PHACTR1: variants seen among roughly 807,000 people sequenced by gnomAD.
PHACTR1 encodes the protein phosphatase and actin regulator 1.
In PHACTR1, 16 loss-of-function variants were observed where a neutral mutation model predicts 69.2. The ratio of observed to expected loss-of-function variants is 0.23; its 90% confidence interval spans 0.16 to 0.35. The LOEUF is 0.35. Among genes scored for constraint, PHACTR1 ranks in the 10% least tolerant of loss-of-function variants. The probability of loss-of-function intolerance (pLI) is 1.00; values close to 1 mark genes in which losing one functional copy is unlikely to be tolerated. For missense variants in PHACTR1, 510 were observed against 734.7 expected, an observed-to-expected ratio of 0.69 and a Z score of 3.54; for synonymous variants, 312 against 284.5, an observed-to-expected ratio of 1.10 and a Z score of -0.97.
intron 4 of PHACTR1, among the ~76,000 whole-genome samples, chr6:13,034,624 T>A (rs917586233): frequency 2.0e-5 from 3 of 152,094 alleles, no homozygotes; most frequent in Admixed American, 1.3e-4. Flanking sequence ...TGGGGCTGGG[T>A]TGTTATCTGA....
chr6:13,069,450 T>C (rs1036111192), intron 5 of PHACTR1, among the ~76,000 whole-genome samples: 8 of 152,090 alleles, frequency 5.3e-5, no homozygotes, highest in Non-Finnish European at 1.0e-4. Context: ...TTCCAGGCCC[T>C]CTAGACCTGC....
At chr6:13,037,827 TGG>T (rs1803541614) in intron 4 of PHACTR1, among the ~76,000 whole-genome samples, 1 of 152,210 alleles carries the variant, frequency 6.6e-6, no homozygotes, top group African/African-American at 2.4e-5. Context: ...TATGGATAAC[TGG>T]TCTACATGAA....
Position 12,980,798 on chromosome 6 carries a change from A to G in PHACTR1, c.251-72567A>G, listed in dbSNP as rs928432014. 2.0e-5 allele frequency among the ~76,000 whole-genome samples: 3 copies of G among 152,250 alleles called. No homozygotes were observed. In the South Asian group the frequency reaches 6.2e-4, roughly 31 times the overall value. On this transcript the variant is annotated intron_variant, in intron 4 of 14. Transcript: ENST00000332995. ...AAGAGATATATCCTTGCTGTTATTT[A>G]TATATTTTTATGAAGTCTCTCCTTA...
At chr6:12,902,195 G>A (rs1308687928) in intron 4 of PHACTR1, among the ~76,000 whole-genome samples, 1 of 152,154 alleles carries the variant, frequency 6.6e-6, no homozygotes, top group Non-Finnish European at 1.5e-5. Context: ...GACGGAGGGA[G>A]GTGGATCACC....
intron 10 of PHACTR1, among the ~76,000 whole-genome samples, chr6:13,269,970 A>G (rs562608403): frequency 1.7e-4 from 26 of 152,220 alleles, no homozygotes; most frequent in Non-Finnish European, 2.6e-4. Context: ...GACATCCTGT[A>G]ATTCAATTTG....
At chr6:13,019,403 G>C in intron 4 of PHACTR1, among the ~76,000 whole-genome samples, 1 of 152,178 alleles carries the variant, frequency 6.6e-6, no homozygotes, top group Admixed American at 6.5e-5. Flanking sequence ...GACAAGACAA[G>C]GACCCAGCTC....
intron 5 of PHACTR1, among the ~76,000 whole-genome samples, chr6:13,137,783 G>A (rs1821785637): frequency 6.6e-6 from 1 of 152,232 alleles, no homozygotes; most frequent in South Asian, 2.1e-4. Flanking sequence ...CTTGGTAGAA[G>A]AGAAAAATAT....
At chr6:13,249,109 C>T (rs747493479) in intron 10 of PHACTR1, among the ~76,000 whole-genome samples, 5 of 152,104 alleles carry the variant, frequency 3.3e-5, no homozygotes, top group Non-Finnish European at 7.4e-5. Flanking sequence ...TGGCCATGCT[C>T]GTGTAGGGGT....
chr6:12,933,821 A>G (rs1789142285), intron 4 of PHACTR1: 3 of 1,612,790 alleles, frequency 1.9e-6, no homozygotes, highest in Non-Finnish European at 2.5e-6. Context: ...TACTCAGGGT[A>G]TGAGCCCTGT....
intron 4 of PHACTR1, among the ~76,000 whole-genome samples, chr6:12,770,908 C>T (rs1044992231): frequency 3.9e-5 from 6 of 152,068 alleles, no homozygotes; most frequent in Non-Finnish European, 7.4e-5. Context: ...CAGTTTCTCC[C>T]GGAAAGGCAG....
intron 4 of PHACTR1, among the ~76,000 whole-genome samples, chr6:13,009,934 C>T (rs1333092067): frequency 1.3e-5 from 2 of 151,834 alleles, no homozygotes; most frequent in Non-Finnish European, 2.9e-5. Flanking sequence ...TCAGGGGACT[C>T]CTCCTGCATA....
At chr6:12,846,699 A>G (rs1393590322) in intron 4 of PHACTR1, among the ~76,000 whole-genome samples, 1 of 148,250 alleles carries the variant, frequency 6.7e-6, no homozygotes, top group Non-Finnish European at 1.5e-5. Flanking sequence ...TAACATCATC[A>G]CCTTAATAAT....
chr6:13,198,972 G>C (rs80145496), intron 7 of PHACTR1, among the ~76,000 whole-genome samples: 158 of 152,318 alleles, frequency 1.0e-3, no homozygotes, highest in African/African-American at 3.6e-3. Flanking sequence ...TGATCTGGGA[G>C]TTTGTTTACA....
At position 13,207,996 on chromosome 6, in the gene PHACTR1, G is replaced by T. The variant is rs78304845; in HGVS notation, c.986+1860G>T. 6.7e-3 allele frequency among the ~76,000 whole-genome samples: 1,026 copies of T among 152,176 alleles called. 12 individuals carry two copies. The highest frequency in any genetic ancestry group is 0.023 in the African/African-American group (967 of 41,506). ...TGTGTCTAGGAATTCTGACTTGATT[G>T]TTTGGTGTTAACACCTGCCCTTGCT... is the stretch of plus-strand genomic sequence containing the variant. On this transcript the variant is annotated intron_variant, in intron 8 of 14. Transcript: ENST00000332995.
chr6:13,047,716 A>G (rs949997282), intron 4 of PHACTR1, among the ~76,000 whole-genome samples: 4 of 152,146 alleles, frequency 2.6e-5, no homozygotes, highest in African/African-American at 4.8e-5. Context: ...CTGACTAGAC[A>G]TCAGATGGCA....
intron 4 of PHACTR1, among the ~76,000 whole-genome samples, chr6:12,858,685 A>C (rs1360758098): frequency 6.6e-6 from 1 of 152,038 alleles, no homozygotes. Flanking sequence ...AGTCCCAGCT[A>C]CTTGGTAGGC....
chr6:13,064,477 A>G (rs558672393), intron 5 of PHACTR1, among the ~76,000 whole-genome samples: 2 of 148,418 alleles, frequency 1.3e-5, no homozygotes, highest in South Asian at 4.3e-4. Context: ...TAAGCAAATG[A>G]TATAATAAGC....
At chr6:12,957,357 A>G in intron 4 of PHACTR1, 1 of 984,200 alleles carries the variant, frequency 1.0e-6, no homozygotes, top group South Asian at 4.7e-5. Context: ...AGGCTTGCTG[A>G]GTCAGAAGAC....
intron 4 of PHACTR1, among the ~76,000 whole-genome samples, chr6:13,034,103 G>GC (rs1469896977): frequency 6.6e-6 from 1 of 151,684 alleles, no homozygotes; most frequent in East Asian, 1.9e-4. Flanking sequence ...TGCAGGCTCC[G>GC]CCCCCTGGGG....
Sources: gnomAD v4.1 joint callset for allele counts (sites outside exome capture counted in the v4.1 genomes callset) on GRCh38, gnomAD v4.1.1 for gene constraint, MANE v1.5 for transcripts, NCBI Gene and HGNC (gene_info 2026-07-23, HGNC 2026-07-21) for gene names.